RPS6KC1: variants seen among roughly 807,000 people sequenced by gnomAD.
RPS6KC1 encodes the protein inactive ribosomal protein S6 kinase delta-1.
In RPS6KC1, 54 loss-of-function variants were observed where a neutral mutation model predicts 103.8. That is an observed-to-expected ratio of 0.52 (90% CI 0.42 to 0.65). RPS6KC1 has a LOEUF of 0.65. RPS6KC1 is among the 30% of genes least tolerant of loss of function. The pLI is 0.00. For missense variants in RPS6KC1, 1,151 were observed against 1,253.8 expected, an observed-to-expected ratio of 0.92 and a Z score of 1.24; for synonymous variants, 439 against 438.7, an observed-to-expected ratio of 1.00 and a Z score of -0.01.
chr1:213,493,930 T>C, the RPS6KC1 span, among the ~76,000 whole-genome samples: 1 of 150,740 alleles, frequency 6.6e-6, no homozygotes, highest in Non-Finnish European at 1.5e-5. Flanking sequence ...TAATGGTTCT[T>C]CAAGTGTTGT....
chr1:213,068,126 A>AT (rs1236006294), intron 1 of RPS6KC1, among the ~76,000 whole-genome samples: 1 of 152,190 alleles, frequency 6.6e-6, no homozygotes, highest in Non-Finnish European at 1.5e-5. Context: ...ATCATGTGCT[A>AT]TTTTTGGGGG....
chr1:213,716,345 T>A, the RPS6KC1 span, among the ~76,000 whole-genome samples: 1 of 152,100 alleles, frequency 6.6e-6, no homozygotes, highest in South Asian at 2.1e-4. Flanking sequence ...TGAGAGAAGC[T>A]TTTCTGATGC....
At chr1:213,724,787 T>C in the RPS6KC1 span, among the ~76,000 whole-genome samples, 4 of 152,214 alleles carry the variant, frequency 2.6e-5, no homozygotes, top group African/African-American at 9.6e-5. Context: ...ATTAATCTCA[T>C]TACTAACAAG....
chr1:213,560,981 A>G, the RPS6KC1 span, among the ~76,000 whole-genome samples: 1 of 152,188 alleles, frequency 6.6e-6, no homozygotes, highest in Non-Finnish European at 1.5e-5. Flanking sequence ...TAAGAGGTTG[A>G]TTGGAAAATA....
the RPS6KC1 span, among the ~76,000 whole-genome samples, chr1:213,813,950 G>A: frequency 1.3e-5 from 2 of 152,196 alleles, no homozygotes; most frequent in African/African-American, 4.8e-5. Context: ...CCCAACCACT[G>A]CTCTCAGAGC....
intron 14 of RPS6KC1, among the ~76,000 whole-genome samples, chr1:213,264,295 T>G (rs2094865827): frequency 6.6e-6 from 1 of 152,084 alleles, no homozygotes; most frequent in Non-Finnish European, 1.5e-5. Flanking sequence ...GCACTTTAGA[T>G]TAAGAGGTAA....
At chr1:213,257,003 C>A (rs899933605) in intron 12 of RPS6KC1, among the ~76,000 whole-genome samples, 1 of 152,104 alleles carries the variant, frequency 6.6e-6, no homozygotes, top group Admixed American at 6.5e-5. Flanking sequence ...CAAATCCATG[C>A]AAATTTTACA....
chr1:213,497,824 A>G, the RPS6KC1 span, among the ~76,000 whole-genome samples: 2 of 152,088 alleles, frequency 1.3e-5, no homozygotes, highest in South Asian at 4.1e-4. Context: ...GGAAAATATA[A>G]TAAAGGAAAA....
intron 2 of RPS6KC1, among the ~76,000 whole-genome samples, chr1:213,076,397 A>G (rs1166699014): frequency 6.6e-6 from 1 of 152,196 alleles, no homozygotes; most frequent in Non-Finnish European, 1.5e-5. Flanking sequence ...ACACCTGGTT[A>G]CCTGCTTGAC....
chr1:213,335,910 G>A, the RPS6KC1 span, among the ~76,000 whole-genome samples: 4 of 152,166 alleles, frequency 2.6e-5, no homozygotes, highest in South Asian at 4.2e-4. Flanking sequence ...GAGGTGATCC[G>A]GTTTAGTGAT....
chr1:213,494,812 A>G, the RPS6KC1 span, among the ~76,000 whole-genome samples: 2 of 152,040 alleles, frequency 1.3e-5, no homozygotes, highest in South Asian at 2.1e-4. Context: ...TACAAGAGGT[A>G]TATTGTAAAG....
rs534052093 is a variant in RPS6KC1, at chr1:213,135,723, C to T, written c.835+5834C>T. 3.3e-5 allele frequency among the ~76,000 whole-genome samples: 5 copies of T among 152,294 alleles called. 1 individual carries two copies. In the South Asian group the frequency reaches 1.0e-3, roughly 32 times the overall value. On this transcript the variant is annotated intron_variant, in intron 6 of 14. Transcript: ENST00000366960. ...TGCCACTTAGTCTTCTGTCTTCCCT[C>T]CTCATCAGCATTCTGTTTTTTCCTT...
intron 6 of RPS6KC1, among the ~76,000 whole-genome samples, chr1:213,146,111 T>C (rs1216008066): frequency 1.3e-5 from 2 of 151,396 alleles, no homozygotes; most frequent in African/African-American, 4.8e-5. Context: ...TTTTAATATT[T>C]AGATCCCACA....
intron 6 of RPS6KC1, among the ~76,000 whole-genome samples, chr1:213,143,840 T>C (rs1389308192): frequency 1.3e-5 from 2 of 151,550 alleles, no homozygotes; most frequent in African/African-American, 2.4e-5. Flanking sequence ...TTTTTTTTTT[T>C]CCTGGAAACT....
chr1:213,110,914 A>C (rs952643753), intron 4 of RPS6KC1, among the ~76,000 whole-genome samples: 1 of 149,786 alleles, frequency 6.7e-6, no homozygotes, highest in Non-Finnish European at 1.5e-5. Context: ...TGGCCCTGAG[A>C]TTGCTACTAT....
At chr1:213,113,059 G>C (rs1361837383) in intron 4 of RPS6KC1, among the ~76,000 whole-genome samples, 1 of 152,122 alleles carries the variant, frequency 6.6e-6, no homozygotes, top group Admixed American at 6.5e-5. Flanking sequence ...ATGATTTATA[G>C]TCCTTTGGGT....
the RPS6KC1 span, among the ~76,000 whole-genome samples, chr1:213,814,321 C>A: frequency 2.0e-5 from 3 of 152,208 alleles, no homozygotes; most frequent in Non-Finnish European, 2.9e-5. Flanking sequence ...AGCAGTAAAC[C>A]TCTTGGGATG....
At chr1:213,663,236 C>T in the RPS6KC1 span, among the ~76,000 whole-genome samples, 1 of 152,326 alleles carries the variant, frequency 6.6e-6, no homozygotes, top group South Asian at 2.1e-4. Flanking sequence ...TTTTATACCT[C>T]ATTGAAATCT....
At chr1:213,458,609 C>T in the RPS6KC1 span, among the ~76,000 whole-genome samples, 1 of 152,132 alleles carries the variant, frequency 6.6e-6, no homozygotes, top group Non-Finnish European at 1.5e-5. Flanking sequence ...ATTTCTTTCT[C>T]CTGTCTGATT....
Sources: gnomAD v4.1 joint callset for allele counts (sites outside exome capture counted in the v4.1 genomes callset) on GRCh38, gnomAD v4.1.1 for gene constraint, MANE v1.5 for transcripts, NCBI Gene and HGNC (gene_info 2026-07-23, HGNC 2026-07-21) for gene names.